GTF2H1: variants seen among roughly 807,000 people sequenced by gnomAD.
GTF2H1 encodes general transcription factor IIH subunit 1.
In GTF2H1, 16 loss-of-function variants were observed where a neutral mutation model predicts 71.2. The observed-to-expected ratio is 0.22, with a 90% confidence interval of 0.15 to 0.34. The LOEUF (loss-of-function observed/expected upper bound fraction) is 0.34, where lower values mean the gene tolerates loss of function less well. GTF2H1 is among the 10% of genes least tolerant of loss of function. The probability of loss-of-function intolerance (pLI) is 1.00; values close to 1 mark genes in which losing one functional copy is unlikely to be tolerated. For missense variants in GTF2H1, 498 were observed against 648.2 expected (o/e 0.77, Z 2.52); for synonymous variants, 215 against 219.0 (o/e 0.98, Z 0.16).
rs1428672047 is a variant in GTF2H1, at chr11:18,322,727, G to A, written c.-29G>A. 1 of 133,740 alleles carries A rather than the reference G, an allele frequency of 7.5e-6. No individual in the cohort carries two copies. Among genetic ancestry groups the A allele is most frequent in the Admixed American group, 8.9e-5 (1 of 11,220 alleles). 8.3% of individuals were successfully genotyped at this position (133,740 alleles called of 1,614,324 possible). A position where few individuals can be genotyped will look rare whatever the true frequency, so the allele number is the denominator to read the frequency against. Reference sequence around the variant, plus strand: ...AGTTAGTTACTTCCTGTCTAGAGTTGTAGCTTCCACCTGGTAAGTTTAGAC... The same window carrying A: ...AGTTAGTTACTTCCTGTCTAGAGTTATAGCTTCCACCTGGTAAGTTTAGAC... On this transcript the variant is annotated 5_prime_UTR_variant, in exon 1 of 15. Coordinates refer to ENST00000265963, the MANE Select transcript of GTF2H1 (RefSeq NM_005316.4).
chr11:18,343,569 C>T (rs1363680133), intron 7 of GTF2H1, among the ~76,000 whole-genome samples: 1 of 151,922 alleles, frequency 6.6e-6, no homozygotes, highest in African/African-American at 2.4e-5. Context: ...ATATGGGGAA[C>T]AGGGGAGGGA....
At chr11:18,353,358 G>C (rs137910477) in intron 11 of GTF2H1, among the ~76,000 whole-genome samples, 64 of 152,306 alleles carry the variant, frequency 4.2e-4, no homozygotes, top group Middle Eastern at 3.4e-3. Context: ...ACTCTTTATA[G>C]TCTGGCCCCA....
chr11:18,361,774 T>C (rs1230566902), intron 14 of GTF2H1, among the ~76,000 whole-genome samples: 2 of 152,208 alleles, frequency 1.3e-5, no homozygotes, highest in South Asian at 2.1e-4. Context: ...TAAGGAAAGA[T>C]AGAATTGCCA....
At chr11:18,350,559 T>C (rs905984200) in intron 9 of GTF2H1, among the ~76,000 whole-genome samples, 4 of 152,160 alleles carry the variant, frequency 2.6e-5, no homozygotes, top group African/African-American at 9.7e-5. Context: ...AACGTTAAGT[T>C]TTCAGATTGA....
chr11:18,352,450 G>A lies in GTF2H1; in HGVS notation c.1260+4G>A. The stretch of plus-strand genomic sequence containing the variant: ...TTATACACCCAAGTTAACTCAGGTA[G>A]GTGACTTCTACTGTTTGAAGGCCAG... On this transcript the variant is annotated splice_donor_region_variant and intron_variant, in intron 11 of 14. Coordinates refer to ENST00000265963, the MANE Select transcript of GTF2H1 (RefSeq NM_005316.4). The A allele has an allele frequency of 8.7e-7, 1 of 1,148,404 alleles. No individual in the cohort carries two copies. The highest frequency in any genetic ancestry group is 1.2e-5 in the South Asian group (1 of 81,210). The allele number at this position is 1,148,404 out of a possible 1,614,324, so 71.1% of individuals were successfully genotyped here. A position where few individuals can be genotyped will look rare whatever the true frequency, so the allele number is the denominator to read the frequency against.
At chr11:18,331,996 A>G (rs1364868612) in intron 1 of GTF2H1, among the ~76,000 whole-genome samples, 2 of 151,976 alleles carry the variant, frequency 1.3e-5, no homozygotes, top group Non-Finnish European at 2.9e-5. Flanking sequence ...AAGTAATTAG[A>G]CCTATTTTTT....
intron 1 of GTF2H1, among the ~76,000 whole-genome samples, chr11:18,328,988 A>G (rs1169252199): frequency 6.6e-6 from 1 of 152,256 alleles, no homozygotes; most frequent in African/African-American, 2.4e-5. Context: ...TCGTTTATTA[A>G]GAATTGTGAT....
At chr11:18,348,011 C>G (rs765506897) in intron 9 of GTF2H1, 92 bp downstream of exon 9, 25 of 818,668 alleles carry the variant, frequency 3.1e-5, no homozygotes, top group Middle Eastern at 2.2e-4. Context: ...TTTCCTGTGA[C>G]TCAGTTCTTC....
chr11:18,325,376 A>C (rs1864737003), intron 1 of GTF2H1, among the ~76,000 whole-genome samples: 1 of 152,240 alleles, frequency 6.6e-6, no homozygotes, highest in Admixed American at 6.5e-5. Context: ...GAGTTTAGGC[A>C]AAGATGTATA....
intron 11 of GTF2H1, among the ~76,000 whole-genome samples, chr11:18,352,684 C>T (rs1865453964): frequency 6.6e-6 from 1 of 152,152 alleles, no homozygotes; most frequent in South Asian, 2.1e-4. Context: ...ATTTTTACTT[C>T]CATATACTTT....
rs960573021 is a variant in GTF2H1, at chr11:18,366,221, A to G, written c.*352A>G. 2 of 199,198 alleles carry G rather than the reference A, an allele frequency of 1.0e-5. No individual in the cohort carries two copies. The highest frequency in any genetic ancestry group is 4.6e-5 in the African/African-American group (2 of 43,318). 12.3% of individuals were successfully genotyped at this position (199,198 alleles called of 1,614,324 possible). On this transcript the variant is annotated 3_prime_UTR_variant, in exon 15 of 15. Coordinates refer to ENST00000265963, the MANE Select transcript of GTF2H1 (RefSeq NM_005316.4). ...TTTTGATTCACATTAAGCTGCTTTC[A>G]GAAATTAAAAAAACACTTTTTAAAG...
chr11:18,333,488 TA>T, intron 2 of GTF2H1: 1 of 255,974 alleles, frequency 3.9e-6, no homozygotes, highest in East Asian at 7.5e-5. Flanking sequence ...AATACTCCAC[TA>T]AATGAATATA....
chr11:18,335,827 C>T lies in GTF2H1; in HGVS notation c.228C>T (p.Asn76=). The change falls in exon 3 of 15, where the codon AAC becomes AAT. Residue 76 remains asparagine (N), a synonymous_variant. Transcript: ENST00000265963. The part of the protein sequence containing the change: ...QLVLHAGDTT[N]FHFSNESTAV... ...TCCTACATGCAGGGGACACAACTAACTTCCATTTTTCCAATGAAAGCACAG... is the reference window on the plus strand; with the variant it reads ...TCCTACATGCAGGGGACACAACTAATTTCCATTTTTCCAATGAAAGCACAG... 6.2e-7 allele frequency: 1 copy of T among 1,614,044 alleles called. No individual in the cohort carries two copies. The highest frequency in any genetic ancestry group is 8.5e-7 in the Non-Finnish European group (1 of 1,179,884).
Position 18,333,026 on chromosome 11 carries a change from T to C in GTF2H1, c.-15-34T>C, listed in dbSNP as rs376137744. ...ATTCAACCCTAATTGATGTGTGGAATAGTTTTTTTCTTCATCTTTTTTTTC... is the reference window on the plus strand; with the variant it reads ...ATTCAACCCTAATTGATGTGTGGAACAGTTTTTTTCTTCATCTTTTTTTTC... On this transcript the variant is annotated intron_variant, in intron 1 of 14. Coordinates refer to ENST00000265963, the MANE Select transcript of GTF2H1 (RefSeq NM_005316.4). 54 of 1,499,444 alleles carry C rather than the reference T, an allele frequency of 3.6e-5. No individual in the cohort carries two copies. The African/African-American group carries it at 6.5e-4, about 18-fold the overall frequency. 92.9% of individuals were successfully genotyped at this position (1,499,444 alleles called of 1,614,324 possible).
At position 18,335,920 on chromosome 11, in the gene GTF2H1, A is replaced by G. The variant is rs1865016228; in HGVS notation, c.321A>G (p.Ala107=). 6.2e-7 allele frequency: 1 copy of G among 1,614,034 alleles called. No individual in the cohort carries two copies. The highest frequency in any genetic ancestry group is 1.3e-5 in the African/African-American group (1 of 74,944). ...QQLLPKFKRK[A]NKELEEKNRM... ...TGCTGCCCAAATTCAAGAGGAAAGCAAATAAAGAACTGGAAGAGAAGAACA... is the reference window on the plus strand; with the variant it reads ...TGCTGCCCAAATTCAAGAGGAAAGCGAATAAAGAACTGGAAGAGAAGAACA... Residue 107 remains alanine (A), a synonymous_variant, in exon 3 of 15, where the codon GCA becomes GCG. Transcript: ENST00000265963.
rs4150666 is a variant in GTF2H1 at position 18,360,865 on chromosome 11, G to GCTCCATCT, written c.1560+160_1560+167dup. 1,401 of 525,586 alleles carry GCTCCATCT rather than the reference G, an allele frequency of 2.7e-3. 5 individuals carry two copies. Among genetic ancestry groups the GCTCCATCT allele is most frequent in the Middle Eastern group, 4.6e-3 (9 of 1,946 alleles). The allele number at this position is 525,586 out of a possible 1,614,324, so 32.6% of individuals were successfully genotyped here. On this transcript the variant is annotated intron_variant, in intron 14 of 14. Transcript: ENST00000265963. ...CTGTCGCCCAGGCTGGAGTACAGTG[G>GCTCCATCT]CTCCATCTCAGCTCACTGCAACCTC... is the stretch of plus-strand genomic sequence containing the variant.
chr11:18,362,730 G>T (rs1865733670), intron 14 of GTF2H1, among the ~76,000 whole-genome samples: 1 of 145,272 alleles, frequency 6.9e-6, no homozygotes, highest in African/African-American at 2.6e-5. Flanking sequence ...GAGTGCAATG[G>T]CATGATCACA....
chr11:18,360,532 CTTTCATATGT>C, intron 13 of GTF2H1, 73 bp from the exon 14 acceptor site: 1 of 644,870 alleles, frequency 1.6e-6, no homozygotes, highest in Non-Finnish European at 2.7e-6. Flanking sequence ...AGAAAAGTAA[CTTTCATATGT>C]AGAAGATTGT....
chr11:18,349,744 C>T (rs1445357100), intron 9 of GTF2H1, among the ~76,000 whole-genome samples: 1 of 152,090 alleles, frequency 6.6e-6, no homozygotes, highest in Non-Finnish European at 1.5e-5. Context: ...AGATGCTTCT[C>T]GACTTAAATG....
Sources: gnomAD v4.1 joint callset for allele counts (sites outside exome capture counted in the v4.1 genomes callset) on GRCh38, gnomAD v4.1.1 for gene constraint, MANE v1.5 for transcripts, NCBI Gene and HGNC (gene_info 2026-07-23, HGNC 2026-07-21) for gene names.